Variants in ATG10 observed in about 807,000 individuals in gnomAD.
ATG10 encodes the protein ubiquitin-like-conjugating enzyme ATG10.
A neutral mutation model predicts 32.1 loss-of-function variants in ATG10; 30 were observed. The ratio of observed to expected loss-of-function variants is 0.94; its 90% CI spans 0.70 to 1.27. The LOEUF is 1.27. Among genes scored for constraint, ATG10 ranks in the 50% most tolerant of loss-of-function variants. The pLI is 0.00. For missense variants in ATG10, 233 were observed against 262.3 expected, an observed-to-expected ratio of 0.89 and a Z score of 0.77; for synonymous variants, 87 against 91.5, an observed-to-expected ratio of 0.95 and a Z score of 0.28.
chr5:82,198,580 G>A (rs1276124484), intron 5 of ATG10, among the ~76,000 whole-genome samples: 2 of 152,120 alleles, frequency 1.3e-5, no homozygotes, highest in African/African-American at 4.8e-5. Flanking sequence ...CTATCTACAT[G>A]TTTTCTGTAG....
At chr5:82,086,298 A>T (rs1764688940) in intron 3 of ATG10, among the ~76,000 whole-genome samples, 1 of 152,232 alleles carries the variant, frequency 6.6e-6, no homozygotes, top group Non-Finnish European at 1.5e-5. Flanking sequence ...TACTGTTATT[A>T]ATAAGCCAAT....
intron 5 of ATG10, among the ~76,000 whole-genome samples, chr5:82,230,795 T>C (rs1221411205): frequency 7.0e-6 from 1 of 143,588 alleles, no homozygotes; most frequent in African/African-American, 2.6e-5. Flanking sequence ...AACCATGGAA[T>C]GATGTAAATA....
chr5:82,114,094 A>T (rs170509), intron 3 of ATG10, among the ~76,000 whole-genome samples: 31,647 of 151,904 alleles, frequency 0.21, 3,447 homozygotes, highest in South Asian at 0.36. Flanking sequence ...TGCGACTGTG[A>T]TGTAAGAGGG....
intron 3 of ATG10, among the ~76,000 whole-genome samples, chr5:82,138,298 T>C (rs1766854341): frequency 6.6e-6 from 1 of 152,188 alleles, no homozygotes; most frequent in South Asian, 2.1e-4. Context: ...TGCAGCTACC[T>C]TGGTGTCTGC....
chr5:82,202,980 G>C (rs1426849899), intron 5 of ATG10, among the ~76,000 whole-genome samples: 1 of 152,158 alleles, frequency 6.6e-6, no homozygotes, highest in East Asian at 1.9e-4. Context: ...TGTAATCCCA[G>C]CGCTTTGGAG....
chr5:82,215,276 A>G (rs778582992), intron 5 of ATG10, among the ~76,000 whole-genome samples: 4 of 152,198 alleles, frequency 2.6e-5, no homozygotes, highest in Non-Finnish European at 5.9e-5. Context: ...GAGCCAGGAT[A>G]TGAGAGGGCA....
At chr5:82,166,719 C>A (rs1005498747) in intron 4 of ATG10, among the ~76,000 whole-genome samples, 1 of 152,054 alleles carries the variant, frequency 6.6e-6, no homozygotes, top group African/African-American at 2.4e-5. Context: ...GAAAGGATTC[C>A]TAATGTCTTC....
intron 5 of ATG10, among the ~76,000 whole-genome samples, chr5:82,226,296 A>G (rs1340360664): frequency 6.6e-6 from 1 of 152,136 alleles, no homozygotes; most frequent in Non-Finnish European, 1.5e-5. Context: ...CGTTAAAGAG[A>G]GCTGGTGAAT....
chr5:82,127,579 T>C (rs1193159444), intron 3 of ATG10, among the ~76,000 whole-genome samples: 5 of 152,186 alleles, frequency 3.3e-5, no homozygotes, highest in African/African-American at 4.8e-5. Flanking sequence ...TCATTTTCCA[T>C]GCAGTTGTGC....
intron 5 of ATG10, among the ~76,000 whole-genome samples, chr5:82,223,255 C>G (rs1403033247): frequency 6.6e-6 from 1 of 152,216 alleles, no homozygotes; most frequent in Non-Finnish European, 1.5e-5. Flanking sequence ...GAAAAGAATG[C>G]ATCCAATCTC....
intron 2 of ATG10, among the ~76,000 whole-genome samples, chr5:81,993,039 C>T (rs769294830): frequency 3.3e-5 from 5 of 152,020 alleles, no homozygotes; most frequent in Admixed American, 6.5e-5. Context: ...CTTGTTACAC[C>T]CATTGTTTAC....
intron 2 of ATG10, among the ~76,000 whole-genome samples, chr5:82,042,147 T>G (rs989488242): frequency 6.6e-6 from 1 of 152,168 alleles, no homozygotes; most frequent in African/African-American, 2.4e-5. Flanking sequence ...CTCACAGTTC[T>G]GCAGGCTTAT....
At chr5:82,071,383 C>G (rs926415605) in intron 3 of ATG10, among the ~76,000 whole-genome samples, 2 of 152,162 alleles carry the variant, frequency 1.3e-5, no homozygotes, top group Non-Finnish European at 2.9e-5. Context: ...GATTCCATGT[C>G]TCCCTCTGTC....
rs556566803 is a variant in ATG10 at position 82,169,449 on chromosome 5, T to G, written c.355+4912T>G. On this transcript the variant is annotated intron_variant, in intron 4 of 7. Coordinates refer to ENST00000282185, the MANE Select transcript of ATG10 (RefSeq NM_031482.5). ...AAGAACATATTTTCGGGGAAAGATG[T>G]ATTATTGCAAGTACGGTAAGAGTTA... 1.1e-3 allele frequency among the ~76,000 whole-genome samples: 175 copies of G among 152,278 alleles called. 2 individuals carry two copies. Among genetic ancestry groups the G allele is most frequent in the Admixed American group, 2.3e-3 (35 of 15,294 alleles).
chr5:82,058,655 A>G (rs1763678222), intron 3 of ATG10, 53 bp downstream of exon 3: 1 of 1,188,748 alleles, frequency 8.4e-7, no homozygotes, highest in African/African-American at 1.5e-5. Flanking sequence ...GTATACATTT[A>G]AAAATGTATA....
At chr5:82,129,177 C>A (rs1766407599) in intron 3 of ATG10, among the ~76,000 whole-genome samples, 1 of 151,772 alleles carries the variant, frequency 6.6e-6, no homozygotes. Flanking sequence ...AGTTCTCATG[C>A]TGTGTTTTTA....
At chr5:82,101,351 G>A (rs1028554192) in intron 3 of ATG10, among the ~76,000 whole-genome samples, 1 of 152,098 alleles carries the variant, frequency 6.6e-6, no homozygotes, top group Non-Finnish European at 1.5e-5. Context: ...GGGTGGGTTT[G>A]GTGTGGAGGA....
At chr5:82,157,556 A>T (rs1767853788) in intron 3 of ATG10, among the ~76,000 whole-genome samples, 1 of 152,222 alleles carries the variant, frequency 6.6e-6, no homozygotes, top group Non-Finnish European at 1.5e-5. Flanking sequence ...CTTGAAACAA[A>T]CAAAACAAGA....
At chr5:82,145,998 C>T (rs891160136) in intron 3 of ATG10, among the ~76,000 whole-genome samples, 13 of 152,202 alleles carry the variant, frequency 8.5e-5, no homozygotes, top group East Asian at 5.8e-4. Context: ...TGAGCCACCG[C>T]GCCTGGCCAA....
Sources: allele counts gnomAD v4.1 joint callset (sites outside exome capture counted in the v4.1 genomes callset), GRCh38; gene constraint gnomAD v4.1.1; transcripts MANE v1.5; gene names NCBI Gene and HGNC (gene_info 2026-07-23, HGNC 2026-07-21).